SNAPC4: variants seen among roughly 807,000 people sequenced by gnomAD.
The protein encoded by SNAPC4 is small nuclear RNA activating complex polypeptide 4, also known as snRNA-activating protein complex subunit 4.
A neutral mutation model predicts 151.3 loss-of-function variants in SNAPC4; 127 were observed. The observed-to-expected ratio is 0.84, with a 90% CI of 0.73 to 0.97. The LOEUF (loss-of-function observed/expected upper bound fraction) is 0.97, where lower values mean the gene tolerates loss of function less well. Among genes scored for constraint, SNAPC4 ranks in the 50% least tolerant of loss-of-function variants. The pLI, the probability that SNAPC4 is intolerant of heterozygous loss-of-function variation, is 0.00. For missense variants in SNAPC4, 2,186 were observed against 1,935.0 expected (o/e 1.13, Z -2.43); for synonymous variants, 1,002 against 824.4 (o/e 1.22, Z -3.69).
intron 7 of SNAPC4, 56 bp downstream of exon 7, chr9:136,394,193 G>T: frequency 7.2e-7 from 1 of 1,390,950 alleles, no homozygotes; most frequent in Non-Finnish European, 1.0e-6. Flanking sequence ...GGGATTCCAG[G>T]CATGAGCCCT....
chr9:136,377,165 T>G (rs1833477163), intron 22 of SNAPC4, among the ~76,000 whole-genome samples: 1 of 152,122 alleles, frequency 6.6e-6, no homozygotes, highest in Non-Finnish European at 1.5e-5. Flanking sequence ...GCCACCACCC[T>G]CCACTGTGCC....
intron 13 of SNAPC4, among the ~76,000 whole-genome samples, chr9:136,386,972 T>C (rs952397874): frequency 6.6e-6 from 1 of 151,932 alleles, no homozygotes; most frequent in Non-Finnish European, 1.5e-5. Flanking sequence ...GGTTTTGACC[T>C]GGCCTCAAGT....
rs747509915 is a variant in SNAPC4 at position 136,391,867 on chromosome 9, G to A, written c.975+75C>T. The A allele has an allele frequency of 1.3e-4, 199 of 1,500,590 alleles. 1 individual carries two copies. Among genetic ancestry groups the A allele is most frequent in the Admixed American group, 1.1e-3 (58 of 54,574 alleles). The allele number at this position is 1,500,590 out of a possible 1,614,324, so 93.0% of individuals were successfully genotyped here. A position where few individuals can be genotyped will look rare whatever the true frequency, so the allele number is the denominator to read the frequency against. ...AGTGAGCACTGGGGACCCCGCACCC[G>A]TCCAGCAGCCTCCCGCTATAGGGCC... On this transcript the variant is annotated intron_variant, in intron 10 of 23. Coordinates refer to ENST00000684778, the MANE Select transcript of SNAPC4 (RefSeq NM_003086.4).
At chr9:136,386,537 C>T (rs919694647) in intron 13 of SNAPC4, among the ~76,000 whole-genome samples, 4 of 151,046 alleles carry the variant, frequency 2.6e-5, no homozygotes, top group African/African-American at 7.3e-5. Flanking sequence ...CAGTTTCAAG[C>T]GATTCTCCTG....
Position 136,391,939 on chromosome 9 carries a change from TACCCCCA to T in SNAPC4, c.971_975+2del, listed in dbSNP as rs1460796402. ...GCCCCTGGGGTCCAGGCCAGGCCCTTACCCCCAGCTCCTCTGCAATCTTCTGCCACTC... is the reference window on the plus strand; with the variant it reads ...GCCCCTGGGGTCCAGGCCAGGCCCTTGCTCCTCTGCAATCTTCTGCCACTC... On this transcript the variant is annotated splice_donor_variant and coding_sequence_variant, in exon 10 of 24. Coordinates refer to ENST00000684778, the MANE Select transcript of SNAPC4 (RefSeq NM_003086.4). LOFTEE classifies it high-confidence loss of function. 8 of 1,601,074 alleles carry T rather than the reference TACCCCCA, an allele frequency of 5.0e-6. No individual in the cohort carries two copies. The highest frequency in any genetic ancestry group is 6.8e-6 in the Non-Finnish European group (8 of 1,179,766).
intron 7 of SNAPC4, 120 bp downstream of exon 7, chr9:136,394,129 G>T: frequency 1.2e-6 from 1 of 816,420 alleles, no homozygotes; most frequent in Non-Finnish European, 2.1e-6. Flanking sequence ...TGTTGCCCAG[G>T]CTGGGCTTGA....
chr9:136,379,789 A>G, intron 21 of SNAPC4, 48 bp downstream of exon 21: 1 of 1,593,112 alleles, frequency 6.3e-7, no homozygotes, highest in Non-Finnish European at 8.6e-7. Context: ...CTTCCCCGCC[A>G]GGGCCAGGTT....
chr9:136,394,153 G>T, intron 7 of SNAPC4, 96 bp downstream of exon 7: 1 of 985,840 alleles, frequency 1.0e-6, no homozygotes, highest in Non-Finnish European at 1.6e-6. Context: ...GGGTTCAAGA[G>T]ATCCTCCTGC....
chr9:136,390,739 GAAAAA>G (rs899893124), intron 10 of SNAPC4, among the ~76,000 whole-genome samples: 17 of 150,036 alleles, frequency 1.1e-4, no homozygotes, highest in African/African-American at 4.2e-4. Context: ...AAACAAAAAA[GAAAAA>G]AAGAAAGCAG....
intron 11 of SNAPC4, among the ~76,000 whole-genome samples, 197 bp downstream of exon 11, chr9:136,388,247 A>G (rs1302651796): frequency 6.6e-6 from 1 of 150,508 alleles, no homozygotes; most frequent in African/African-American, 2.5e-5. Flanking sequence ...ATCCTGGGCA[A>G]CAAGAGTGAA....
rs879229886 is a variant in SNAPC4 at position 136,379,925 on chromosome 9, C to T, written c.2500-61G>A. On this transcript the variant is annotated intron_variant, in intron 20 of 23. Transcript: ENST00000684778. ...TGTCCTCTGCTGGCTTGGACCACCT[C>T]TCCTAGCATCTGGACTATCCCCTGC... The T allele has an allele frequency of 3.1e-5, 47 of 1,532,840 alleles. No homozygotes were observed. The East Asian group carries it at 9.9e-4, about 32-fold the overall frequency. 95.0% of individuals were successfully genotyped at this position (1,532,840 alleles called of 1,614,324 possible).
At chr9:136,384,581 T>G (rs1338914598) in intron 14 of SNAPC4, 139 bp downstream of exon 14, 1 of 520,216 alleles carries the variant, frequency 1.9e-6, no homozygotes, top group Non-Finnish European at 3.4e-6. Flanking sequence ...CCCAAAAGTT[T>G]GAGGCTGCAG....
intron 5 of SNAPC4, 35 bp downstream of exon 5, chr9:136,395,263 G>C: frequency 6.2e-7 from 1 of 1,606,148 alleles, no homozygotes; most frequent in Non-Finnish European, 8.5e-7. Context: ...ACGGTGCAGA[G>C]CCTTGCCGAC....
At chr9:136,397,482 G>A (rs1834313487) in intron 2 of SNAPC4, among the ~76,000 whole-genome samples, 2 of 149,646 alleles carry the variant, frequency 1.3e-5, no homozygotes, top group Non-Finnish European at 3.0e-5. Flanking sequence ...TCCTGTCAGG[G>A]CAGCAGCTGG....
At chr9:136,399,786 C>T (rs1305404592) in intron 1 of SNAPC4, among the ~76,000 whole-genome samples, 1 of 152,220 alleles carries the variant, frequency 6.6e-6, no homozygotes, top group Non-Finnish European at 1.5e-5. Flanking sequence ...CCGCCTCCTG[C>T]TCGCTGCGTG....
At chr9:136,382,463 T>C in intron 16 of SNAPC4, 127 bp from the exon 17 acceptor site, 1 of 798,360 alleles carries the variant, frequency 1.3e-6, no homozygotes, top group Admixed American at 2.1e-5. Context: ...ACAGCTCTGC[T>C]CTGCCTCATG....
intron 23 of SNAPC4, among the ~76,000 whole-genome samples, 157 bp downstream of exon 23, chr9:136,376,192 C>A (rs1833437952): frequency 1.3e-5 from 2 of 152,162 alleles, no homozygotes; most frequent in Admixed American, 1.3e-4. Context: ...AAATGCTTCT[C>A]CCCCTGGAGG....
chr9:136,381,783 C>T lies in SNAPC4; in HGVS notation c.2317+41G>A, dbSNP rs749995576. 3 of 1,586,124 alleles carry T rather than the reference C, an allele frequency of 1.9e-6. No homozygotes were observed. The African/African-American group carries it at 4.0e-5, about 21-fold the overall frequency. Reference sequence around the variant, plus strand: ...GCTGGATGTACTCTTCATCCTCACCCCTCGCCCCCAGGATGCTCCCAGAGG... The same window carrying T: ...GCTGGATGTACTCTTCATCCTCACCTCTCGCCCCCAGGATGCTCCCAGAGG... On this transcript the variant is annotated intron_variant, in intron 18 of 23. Transcript: ENST00000684778.
intron 10 of SNAPC4, among the ~76,000 whole-genome samples, chr9:136,389,106 A>G (rs1168873265): frequency 6.6e-6 from 1 of 152,134 alleles, no homozygotes; most frequent in Non-Finnish European, 1.5e-5. Flanking sequence ...GAGTGCCCCA[A>G]AATGACTCTC....
Sources: allele counts gnomAD v4.1 joint callset (sites outside exome capture counted in the v4.1 genomes callset), GRCh38; gene constraint gnomAD v4.1.1; transcripts MANE v1.5; gene names NCBI Gene and HGNC (gene_info 2026-07-23, HGNC 2026-07-21).